Variants in OSBPL10 observed in about 807,000 individuals in gnomAD.
OSBPL10 encodes the protein oxysterol binding protein like 10.
Under a neutral mutation model 81.7 loss-of-function variants are expected in OSBPL10, and 49 were observed. The observed-to-expected ratio is 0.60, with a 90% CI of 0.48 to 0.76. The LOEUF is 0.76. OSBPL10 is among the 30% of genes least tolerant of loss of function. The pLI is 0.00. For missense variants in OSBPL10, 923 were observed against 987.8 expected (o/e 0.93, Z 0.88); for synonymous variants, 419 against 383.6 (o/e 1.09, Z -1.08).
rs1575508945 is a variant in OSBPL10 at position 31,734,702 on chromosome 3, C to T, written c.941-1291G>A. ...GTAGTAAACCCAAATCATGCCACTG[C>T]ACTCCAGCCTTGGTGACAATGCAAG... On this transcript the variant is annotated intron_variant, in intron 5 of 11. Coordinates refer to ENST00000396556, the MANE Select transcript of OSBPL10 (RefSeq NM_017784.5). Among the ~76,000 whole-genome samples, 8 of 152,302 alleles carry T rather than the reference C, an allele frequency of 5.3e-5. No individual in the cohort carries two copies. In the South Asian group the frequency reaches 1.5e-3, roughly 28 times the overall value.
intron 2 of OSBPL10, among the ~76,000 whole-genome samples, chr3:31,997,209 C>T (rs1337254927): frequency 6.6e-6 from 1 of 151,894 alleles, no homozygotes; most frequent in Admixed American, 6.6e-5. Flanking sequence ...ATTACAATGT[C>T]AATAGGCAGT....
At chr3:32,006,095 C>G (rs762041439) in intron 2 of OSBPL10, among the ~76,000 whole-genome samples, 69 of 152,188 alleles carry the variant, frequency 4.5e-4, no homozygotes, top group Admixed American at 2.7e-3. Flanking sequence ...CAGATGAGCA[C>G]CACCATGCCC....
At chr3:31,793,309 C>T (rs1426119886) in intron 4 of OSBPL10, among the ~76,000 whole-genome samples, 1 of 152,206 alleles carries the variant, frequency 6.6e-6, no homozygotes, top group African/African-American at 2.4e-5. Context: ...TGCAGCTTCC[C>T]TCAACTCTGT....
intron 1 of OSBPL10, among the ~76,000 whole-genome samples, chr3:31,916,068 C>T (rs979859074): frequency 4.1e-5 from 6 of 146,568 alleles, no homozygotes; most frequent in African/African-American, 1.5e-4. Context: ...TGCACTCCAG[C>T]CTGGGTGACA....
rs545071784 is a variant in OSBPL10, at chr3:31,826,107, G to A, written c.729+3933C>T. Among the ~76,000 whole-genome samples, 3 of 152,092 alleles carry A rather than the reference G, an allele frequency of 2.0e-5. No homozygotes were observed. The South Asian group carries it at 6.2e-4, about 32-fold the overall frequency. On this transcript the variant is annotated intron_variant, in intron 4 of 11. Transcript: ENST00000396556. The stretch of plus-strand genomic sequence containing the variant: ...ATTAATTTTCTTCCTCCTAGCCCCA[G>A]TTCCATAAATTGTTTCCTCAGGTAT...
rs1035553664 is a variant in OSBPL10, at chr3:32,032,331, C to T, written n.298+14160G>A. On this transcript the variant is annotated intron_variant and non_coding_transcript_variant, in intron 2 of 3. Coordinates refer to the OSBPL10 transcript ENST00000479173. Reference sequence around the variant, plus strand: ...TCAGGAGGCTAAGGTGGGAGAATCTCTTGAACCCGGGAGGCAGAGGTTGCA... The same window carrying T: ...TCAGGAGGCTAAGGTGGGAGAATCTTTTGAACCCGGGAGGCAGAGGTTGCA... Among the ~76,000 whole-genome samples, 19 of 152,218 alleles carry T rather than the reference C, an allele frequency of 1.2e-4. No individual in the cohort carries two copies. The East Asian group carries it at 3.7e-3, about 29-fold the overall frequency.
intron 3 of OSBPL10, among the ~76,000 whole-genome samples, chr3:31,835,615 G>C (rs1037012695): frequency 6.6e-6 from 1 of 151,872 alleles, no homozygotes; most frequent in Non-Finnish European, 1.5e-5. Context: ...TTCCTTCACA[G>C]CAAGGAGGAA....
chr3:31,866,242 C>A (rs1267815021), intron 3 of OSBPL10, among the ~76,000 whole-genome samples: 1 of 152,158 alleles, frequency 6.6e-6, no homozygotes, highest in Admixed American at 6.5e-5. Flanking sequence ...CAAACAAACC[C>A]TTTAATTCCC....
At chr3:31,733,883 A>G (rs1310233291) in intron 5 of OSBPL10, among the ~76,000 whole-genome samples, 1 of 151,542 alleles carries the variant, frequency 6.6e-6, no homozygotes. Flanking sequence ...GGTGGCGGGC[A>G]CCTGTAGTCC....
At chr3:31,872,437 T>G (rs1701352976) in intron 3 of OSBPL10, among the ~76,000 whole-genome samples, 3 of 147,968 alleles carry the variant, frequency 2.0e-5, no homozygotes, top group Admixed American at 2.0e-4. Context: ...CAATACGTGT[T>G]TTGTTTTTGT....
intron 10 of OSBPL10, among the ~76,000 whole-genome samples, chr3:31,666,620 A>G (rs567118777): frequency 6.6e-6 from 1 of 152,236 alleles, no homozygotes; most frequent in Non-Finnish European, 1.5e-5. Context: ...ATCCCTATAC[A>G]GCAGTCCCCC....
At chr3:31,697,241 C>G (rs771898414) in intron 7 of OSBPL10, among the ~76,000 whole-genome samples, 4 of 152,128 alleles carry the variant, frequency 2.6e-5, no homozygotes, top group Non-Finnish European at 4.4e-5. Flanking sequence ...GAAGAACACA[C>G]GGAGAGGGAA....
chr3:31,721,600 G>A (rs1279611022), intron 6 of OSBPL10: 1 of 152,190 alleles, frequency 6.6e-6, no homozygotes, highest in Admixed American at 6.5e-5. Flanking sequence ...GTTATTAGTG[G>A]AGGTCCTTTG....
intron 3 of OSBPL10, among the ~76,000 whole-genome samples, chr3:31,835,569 A>G (rs568358392): frequency 1.3e-5 from 2 of 152,290 alleles, no homozygotes; most frequent in South Asian, 4.1e-4. Flanking sequence ...TTCAAATGAC[A>G]TTTACTTTGG....
intron 1 of OSBPL10, among the ~76,000 whole-genome samples, chr3:32,072,614 T>C (rs1267553273): frequency 3.3e-5 from 5 of 152,116 alleles, no homozygotes; most frequent in African/African-American, 7.2e-5. Context: ...AATCTATCCT[T>C]AAGGAAATCA....
intron 1 of OSBPL10, among the ~76,000 whole-genome samples, chr3:31,972,780 T>G (rs1326352051): frequency 6.6e-6 from 1 of 152,194 alleles, no homozygotes; most frequent in Non-Finnish European, 1.5e-5. Context: ...ACTCTTTGTA[T>G]TTTCATCAAT....
chr3:31,774,669 C>T (rs1354380589), intron 4 of OSBPL10, among the ~76,000 whole-genome samples: 1 of 151,638 alleles, frequency 6.6e-6, no homozygotes, highest in African/African-American at 2.4e-5. Flanking sequence ...CCCACCACCA[C>T]ACCTGGCTAA....
chr3:31,905,988 T>G (rs1213116361), intron 1 of OSBPL10, among the ~76,000 whole-genome samples: 1 of 152,094 alleles, frequency 6.6e-6, no homozygotes, highest in African/African-American at 2.4e-5. Flanking sequence ...TCAACCTTAT[T>G]AATCTACTCT....
chr3:32,035,109 A>G (rs1699504768), intron 2 of OSBPL10, among the ~76,000 whole-genome samples: 1 of 152,216 alleles, frequency 6.6e-6, no homozygotes, highest in African/African-American at 2.4e-5. Context: ...ATGAGGAGAT[A>G]GGAGAGTGGG....
Sources: gnomAD v4.1 joint callset for allele counts (sites outside exome capture counted in the v4.1 genomes callset) on GRCh38, gnomAD v4.1.1 for gene constraint, MANE v1.5 for transcripts, NCBI Gene and HGNC (gene_info 2026-07-23, HGNC 2026-07-21) for gene names.